Variants in HECW1 observed in about 807,000 individuals in gnomAD.
HECW1 encodes the protein HECT, C2 and WW domain containing E3 ubiquitin protein ligase 1.
HECW1 carries 61 observed loss-of-function variants against 182.3 expected under a neutral mutation model. The observed-to-expected ratio is 0.33, with a 90% confidence interval of 0.27 to 0.41. The LOEUF (loss-of-function observed/expected upper bound fraction) is 0.41, where lower values mean the gene tolerates loss of function less well. HECW1 is among the 10% of genes least tolerant of loss of function. The pLI is 1.00. For missense variants in HECW1, 1,739 were observed against 2,108.9 expected, an observed-to-expected ratio of 0.82 and a Z score of 3.44; for synonymous variants, 859 against 832.6, an observed-to-expected ratio of 1.03 and a Z score of -0.55.
At chr7:43,349,811 G>A (rs577590263) in intron 5 of HECW1, among the ~76,000 whole-genome samples, 8 of 152,314 alleles carry the variant, frequency 5.3e-5, no homozygotes, top group Admixed American at 3.9e-4. Flanking sequence ...CTGCGGTTCT[G>A]TATCTTTTAA....
At chr7:43,275,197 GA>G (rs1802965106) in intron 3 of HECW1, among the ~76,000 whole-genome samples, 1 of 152,120 alleles carries the variant, frequency 6.6e-6, no homozygotes, top group Non-Finnish European at 1.5e-5. Flanking sequence ...AAGTTTACTT[GA>G]AATCCTATTT....
intron 3 of HECW1, among the ~76,000 whole-genome samples, chr7:43,291,555 A>G (rs1805402320): frequency 6.6e-6 from 1 of 152,250 alleles, no homozygotes; most frequent in African/African-American, 2.4e-5. Context: ...AGGGCTTAAC[A>G]AAGAGTTATT....
At chr7:43,160,608 T>G (rs1329052822) in intron 2 of HECW1, among the ~76,000 whole-genome samples, 1 of 152,190 alleles carries the variant, frequency 6.6e-6, no homozygotes, top group Non-Finnish European at 1.5e-5. Context: ...CAGTGTTTGT[T>G]TTTGGAGTTT....
In HECW1 at chr7:43,479,764, G is replaced by A. The variant is rs375403904; in HGVS notation, c.3234+20G>A. The A allele has an allele frequency of 5.0e-5, 81 of 1,612,990 alleles. No individual in the cohort carries two copies. The highest frequency in any genetic ancestry group is 3.3e-4 in the East Asian group (15 of 44,852). On this transcript the variant is annotated intron_variant, in intron 17 of 29. Coordinates refer to ENST00000395891, the MANE Select transcript of HECW1 (RefSeq NM_015052.5). ...GGAGAGGTAACCCTCCCTACACCCC[G>A]CCCTACTGTTCACCGGTCACAGTCT... is the stretch of plus-strand genomic sequence containing the variant.
chr7:43,332,179 G>C (rs995519235), intron 5 of HECW1, among the ~76,000 whole-genome samples: 29 of 152,162 alleles, frequency 1.9e-4, no homozygotes, highest in African/African-American at 6.5e-4. Context: ...ATGTGGTACA[G>C]TGAAATTGGA....
intron 6 of HECW1, among the ~76,000 whole-genome samples, chr7:43,384,174 G>T (rs1198406784): frequency 6.6e-6 from 1 of 152,196 alleles, no homozygotes; most frequent in Non-Finnish European, 1.5e-5. Context: ...TTGTTCAAGA[G>T]TCAACTGTAA....
At chr7:43,554,020 A>T (rs572372008) in intron 28 of HECW1, among the ~76,000 whole-genome samples, 1 of 152,258 alleles carries the variant, frequency 6.6e-6, no homozygotes. Flanking sequence ...TCCCCAGCTT[A>T]CTGTGAGAGG....
intron 6 of HECW1, among the ~76,000 whole-genome samples, chr7:43,381,034 G>T (rs1490011896): frequency 6.6e-6 from 1 of 152,088 alleles, no homozygotes; most frequent in Non-Finnish European, 1.5e-5. Context: ...GTTGTGAAAG[G>T]GTATGTAGTA....
intron 2 of HECW1, among the ~76,000 whole-genome samples, chr7:43,136,473 A>G (rs533752190): frequency 1.1e-4 from 17 of 152,184 alleles, no homozygotes; most frequent in Non-Finnish European, 2.4e-4. Flanking sequence ...AATTACAGGG[A>G]GGTTCTCTCA....
chr7:43,175,564 A>G (rs1335362239), intron 2 of HECW1, among the ~76,000 whole-genome samples: 1 of 152,228 alleles, frequency 6.6e-6, no homozygotes, highest in Non-Finnish European at 1.5e-5. Flanking sequence ...CTTACGGTGC[A>G]GGTTGTGAAT....
intron 5 of HECW1, among the ~76,000 whole-genome samples, chr7:43,336,184 C>G (rs1307731272): frequency 7.3e-6 from 1 of 136,868 alleles, no homozygotes; most frequent in Admixed American, 7.5e-5. Context: ...CTCTCTCTCT[C>G]TCTCTCTCTC....
intron 2 of HECW1, among the ~76,000 whole-genome samples, chr7:43,159,854 T>A (rs142613876): frequency 2.6e-5 from 4 of 152,202 alleles, no homozygotes; most frequent in Admixed American, 6.5e-5. Flanking sequence ...TAATTTTTTG[T>A]ATTTTCAGTA....
At chr7:43,248,025 C>A (rs866095293) in intron 3 of HECW1, among the ~76,000 whole-genome samples, 3 of 111,404 alleles carry the variant, frequency 2.7e-5, no homozygotes, top group African/African-American at 1.0e-4. Context: ...AAGAAGAAAG[C>A]AAGCAAGAAG....
At chr7:43,390,550 A>AAAAAAG (rs2074986848) in intron 6 of HECW1, among the ~76,000 whole-genome samples, 1 of 134,618 alleles carries the variant, frequency 7.4e-6, no homozygotes, top group Admixed American at 7.4e-5. Flanking sequence ...AAAAAAAAAC[A>AAAAAAG]AAAAAAAAAC....
chr7:43,143,379 G>A (rs1222557839), intron 2 of HECW1, among the ~76,000 whole-genome samples: 2 of 152,164 alleles, frequency 1.3e-5, no homozygotes, highest in East Asian at 1.9e-4. Context: ...AACTTCCTGG[G>A]TTCAAGCAAT....
Position 43,208,463 on chromosome 7 carries a change from C to T in HECW1, c.-31-35412C>T, listed in dbSNP as rs140091997. On this transcript the variant is annotated intron_variant, in intron 2 of 29. Transcript: ENST00000395891. ...CTGAGTTATTGGGGTTAAAGTCTCC[C>T]GGTCTTTCACCTGCTGCCTCTCCTG... Among the ~76,000 whole-genome samples the T allele has an allele frequency of 6.8e-4, 104 of 152,310 alleles. 1 individual carries two copies. Among genetic ancestry groups the T allele is most frequent in the African/African-American group, 2.4e-3 (100 of 41,554 alleles).
intron 16 of HECW1, among the ~76,000 whole-genome samples, chr7:43,479,373 G>A (rs184411039): frequency 3.3e-4 from 50 of 152,244 alleles, no homozygotes; most frequent in African/African-American, 1.1e-3. Context: ...CTGACAGGAG[G>A]TGGAGCTCAA....
chr7:43,173,402 C>T (rs1358621564), intron 2 of HECW1, among the ~76,000 whole-genome samples: 3 of 152,172 alleles, frequency 2.0e-5, no homozygotes, highest in African/African-American at 7.2e-5. Context: ...GTCCACCCCT[C>T]CCCATGTGTT....
At chr7:43,143,067 A>G (rs1316292296) in intron 2 of HECW1, among the ~76,000 whole-genome samples, 2 of 152,150 alleles carry the variant, frequency 1.3e-5, no homozygotes, top group Non-Finnish European at 2.9e-5. Context: ...CAGTGGCATG[A>G]TCTTGGCTCA....
Sources: gnomAD v4.1 joint callset for allele counts (sites outside exome capture counted in the v4.1 genomes callset) on GRCh38, gnomAD v4.1.1 for gene constraint, MANE v1.5 for transcripts, NCBI Gene and HGNC (gene_info 2026-07-23, HGNC 2026-07-21) for gene names.